The following LRBA variants were observed in gnomAD, a reference collection of about 807,000 sequenced individuals.
LRBA encodes the protein LPS responsive beige-like anchor protein.
A neutral mutation model predicts 330.0 loss-of-function variants in LRBA; 176 were observed. The observed-to-expected ratio is 0.53, with a 90% confidence interval of 0.47 to 0.60. The LOEUF (loss-of-function observed/expected upper bound fraction) is 0.60, where lower values mean the gene tolerates loss of function less well. Among genes scored for constraint, LRBA ranks in the 20% least tolerant of loss-of-function variants. The probability of loss-of-function intolerance (pLI) is 0.00; values close to 1 mark genes in which losing one functional copy is unlikely to be tolerated. For missense variants in LRBA, 3,259 were observed against 3,444.8 expected (o/e 0.95, Z 1.35); for synonymous variants, 1,230 against 1,193.0 (o/e 1.03, Z -0.64).
At chr4:150,551,886 G>C (rs1222915947) in intron 40 of LRBA, among the ~76,000 whole-genome samples, 1 of 152,018 alleles carries the variant, frequency 6.6e-6, no homozygotes, top group African/African-American at 2.4e-5. Context: ...CTTTAGAATA[G>C]CAGTCCTCAA....
At chr4:150,939,129 C>G (rs997159676) in intron 2 of LRBA, among the ~76,000 whole-genome samples, 16 of 152,182 alleles carry the variant, frequency 1.1e-4, no homozygotes, top group Non-Finnish European at 2.4e-4. Flanking sequence ...CTCTACACTA[C>G]TGTGCCACTA....
intron 36 of LRBA, among the ~76,000 whole-genome samples, chr4:150,691,873 C>G (rs190692497): frequency 6.6e-6 from 1 of 152,070 alleles, no homozygotes; most frequent in East Asian, 1.9e-4. Context: ...CAATAATACA[C>G]ACAACAATGT....
chr4:150,484,067 A>C (rs1248340688), intron 42 of LRBA, among the ~76,000 whole-genome samples: 1 of 151,974 alleles, frequency 6.6e-6, no homozygotes, highest in East Asian at 1.9e-4. Flanking sequence ...CTTTCCACAT[A>C]AACATTCAAG....
intron 2 of LRBA, among the ~76,000 whole-genome samples, chr4:151,011,186 CAAA>C (rs889750432): frequency 7.5e-6 from 1 of 132,758 alleles, no homozygotes; most frequent in Non-Finnish European, 1.6e-5. Context: ...GACTCTGTCT[CAAA>C]AAAAAAAAAG....
At chr4:150,634,968 G>A (rs1777744762) in intron 37 of LRBA, among the ~76,000 whole-genome samples, 1 of 152,176 alleles carries the variant, frequency 6.6e-6, no homozygotes, top group African/African-American at 2.4e-5. Context: ...GACCTCTCAG[G>A]GAAAGGCAAG....
At chr4:150,315,353 T>C (rs1446305680) in intron 51 of LRBA, 2 of 630,916 alleles carry the variant, frequency 3.2e-6, no homozygotes, top group Non-Finnish European at 5.6e-6. Context: ...ACACGCGTCC[T>C]AGGCCTGTTC....
chr4:150,976,256 T>C (rs2149595359), intron 2 of LRBA, among the ~76,000 whole-genome samples: 1 of 151,954 alleles, frequency 6.6e-6, no homozygotes, highest in African/African-American at 2.4e-5. Context: ...TAGACAAATT[T>C]GTTGAAATAT....
intron 42 of LRBA, among the ~76,000 whole-genome samples, chr4:150,478,443 T>C (rs987756572): frequency 2.6e-5 from 4 of 152,218 alleles, no homozygotes; most frequent in Non-Finnish European, 4.4e-5. Flanking sequence ...GACTTGAGTA[T>C]TGACTAAAGA....
chr4:150,732,494 C>T (rs1020670174), intron 36 of LRBA, among the ~76,000 whole-genome samples: 2 of 151,950 alleles, frequency 1.3e-5, no homozygotes, highest in Non-Finnish European at 2.9e-5. Context: ...GTCTCTCAAC[C>T]GAAGAACGGA....
intron 28 of LRBA, among the ~76,000 whole-genome samples, chr4:150,842,805 G>T (rs1262518896): frequency 6.6e-6 from 1 of 152,000 alleles, no homozygotes; most frequent in Non-Finnish European, 1.5e-5. Flanking sequence ...TAGAATTATT[G>T]TGAGAATTAA....
chr4:150,284,420 CAAATA>C (rs948223942), intron 54 of LRBA, among the ~76,000 whole-genome samples: 1 of 152,178 alleles, frequency 6.6e-6, no homozygotes, highest in Non-Finnish European at 1.5e-5. Context: ...ATGTTTTTCA[CAAATA>C]AAATAATTAT....
At chr4:150,864,045 C>T (rs2126970888) in intron 22 of LRBA, among the ~76,000 whole-genome samples, 1 of 152,214 alleles carries the variant, frequency 6.6e-6, no homozygotes, top group African/African-American at 2.4e-5. Context: ...TCAAGCGATT[C>T]TTCTGTCTCA....
In LRBA at chr4:150,538,829, AAC is replaced by A. The variant is rs1233859287; in HGVS notation, c.6331-47796_6331-47795del. Reference sequence around the variant, plus strand: ...GGCCCTGTCTCAAAAAAAAAAAAAAAACAAAAAACTACCTATTGGGTATTATG... The same window carrying A: ...GGCCCTGTCTCAAAAAAAAAAAAAAAAAAAAACTACCTATTGGGTATTATG... On this transcript the variant is annotated intron_variant, in intron 40 of 56. Transcript: ENST00000651943. Among the ~76,000 whole-genome samples, 6 of 150,650 alleles carry A rather than the reference AAC, an allele frequency of 4.0e-5. No individual in the cohort carries two copies. In the East Asian group the frequency reaches 5.9e-4, roughly 15 times the overall value.
intron 2 of LRBA, among the ~76,000 whole-genome samples, chr4:150,989,538 G>C (rs770884497): frequency 6.6e-6 from 1 of 152,012 alleles, no homozygotes; most frequent in Non-Finnish European, 1.5e-5. Flanking sequence ...GCTTGAACCC[G>C]GAAGGCACAG....
At chr4:150,717,787 A>T (rs1728434247) in intron 36 of LRBA, among the ~76,000 whole-genome samples, 4 of 151,598 alleles carry the variant, frequency 2.6e-5, no homozygotes, top group African/African-American at 9.7e-5. Flanking sequence ...CCTGGTTTGC[A>T]GTTCCACTGA....
chr4:150,838,966 G>A (rs1323894634), intron 28 of LRBA, among the ~76,000 whole-genome samples: 1 of 152,118 alleles, frequency 6.6e-6, no homozygotes, highest in Non-Finnish European at 1.5e-5. Context: ...CCTACAGAAT[G>A]GGAGAAAATT....
chr4:150,286,080 G>A, intron 53 of LRBA, 46 bp from the exon 54 acceptor site: 1 of 1,260,512 alleles, frequency 7.9e-7, no homozygotes. Flanking sequence ...TCAATTTCAT[G>A]CATATTAAAT....
intron 2 of LRBA, among the ~76,000 whole-genome samples, chr4:150,985,030 G>T (rs1036782854): frequency 2.0e-5 from 3 of 152,150 alleles, no homozygotes; most frequent in Non-Finnish European, 4.4e-5. Context: ...GGCCAAGGCG[G>T]GTGGATCACC....
At chr4:150,716,638 G>T (rs151088819) in intron 36 of LRBA, among the ~76,000 whole-genome samples, 12 of 151,738 alleles carry the variant, frequency 7.9e-5, no homozygotes, top group African/African-American at 2.7e-4. Flanking sequence ...TTTAAAAATC[G>T]ATCAATGAGG....
Sources: gnomAD v4.1 joint callset for allele counts (sites outside exome capture counted in the v4.1 genomes callset) on GRCh38, gnomAD v4.1.1 for gene constraint, MANE v1.5 for transcripts, NCBI Gene and HGNC (gene_info 2026-07-23, HGNC 2026-07-21) for gene names.